The following TRAT1 variants were observed in gnomAD, a reference collection of about 807,000 sequenced individuals.
The protein encoded by TRAT1 is T-cell receptor-associated transmembrane adapter 1.
Under a neutral mutation model 20.0 loss-of-function variants are expected in TRAT1, and 20 were observed. That is an observed-to-expected ratio of 1.00 (90% confidence interval 0.70 to 1.45). The LOEUF is 1.45. Among genes scored for constraint, TRAT1 ranks in the 40% most tolerant of loss-of-function variants. The pLI, the probability that TRAT1 is intolerant of heterozygous loss-of-function variation, is 0.00. For missense variants in TRAT1, 237 were observed against 224.1 expected (o/e 1.06, Z -0.37); for synonymous variants, 77 against 74.2 (o/e 1.04, Z -0.20).
At chr3:108,836,409 T>C (rs1348994) in intron 2 of TRAT1, among the ~76,000 whole-genome samples, 114,834 of 152,100 alleles carry the variant, frequency 0.75, 44,867 homozygotes, top group Non-Finnish European at 0.86. Context: ...TTCAATGTTT[T>C]TGCTGATTTT....
intron 3 of TRAT1, 85 bp downstream of exon 3, chr3:108,839,052 G>C (rs1377562802): frequency 2.9e-6 from 3 of 1,043,496 alleles, no homozygotes; most frequent in Middle Eastern, 2.0e-4. Flanking sequence ...TTTGGCTCAT[G>C]GATATTGTAC....
chr3:108,849,184 G>A lies in TRAT1; in HGVS notation c.233G>A (p.Cys78Tyr), dbSNP rs1945973707. ...TCCCAAGAACCAATGGATGAAAATT[G>A]CTATGAACAAATGAAAGCCCGACCA... ...DMISEPMDEN[C>Y]YEQMKARPEK... is the part of the protein sequence containing the mutation. The change falls in exon 5 of 6, where the codon TGC (cysteine) becomes TAC (tyrosine). Residue 78 changes from cysteine (C) to tyrosine (Y), a missense_variant. Transcript: ENST00000295756. 6.2e-7 allele frequency: 1 copy of A among 1,613,856 alleles called. No individual in the cohort carries two copies. Among genetic ancestry groups the A allele is most frequent in the Non-Finnish European group, 8.5e-7 (1 of 1,179,916 alleles).
chr3:108,824,169 C>T (rs1945716628), intron 1 of TRAT1, among the ~76,000 whole-genome samples: 3 of 152,106 alleles, frequency 2.0e-5, no homozygotes, highest in Admixed American at 2.0e-4. Context: ...TGCGCCCAGC[C>T]CTGTTGTATA....
At chr3:108,825,327 A>C (rs1006754441) in intron 1 of TRAT1, among the ~76,000 whole-genome samples, 1 of 152,042 alleles carries the variant, frequency 6.6e-6, no homozygotes, top group Admixed American at 6.6e-5. Context: ...CATTTACATA[A>C]AATCTGTATT....
At chr3:108,840,178 G>A (rs1375642175) in intron 3 of TRAT1, among the ~76,000 whole-genome samples, 2 of 151,916 alleles carry the variant, frequency 1.3e-5, no homozygotes, top group African/African-American at 2.4e-5. Flanking sequence ...GGCATACCCC[G>A]TCACACACAA....
chr3:108,827,600 G>T (rs1945753673), intron 1 of TRAT1, among the ~76,000 whole-genome samples: 1 of 151,996 alleles, frequency 6.6e-6, no homozygotes, highest in African/African-American at 2.4e-5. Context: ...AAATCTTCCT[G>T]TTTAAAATTT....
chr3:108,838,980 T>C lies in TRAT1; in HGVS notation c.152+13T>C, dbSNP rs115041269. On this transcript the variant is annotated intron_variant, in intron 3 of 5. Transcript: ENST00000295756. ...GTGACCACACCAGGTATGTTGTGAT[T>C]CAGTCATGGATCATGATTCCCAACT... 3 of 1,589,186 alleles carry C rather than the reference T, an allele frequency of 1.9e-6. No homozygotes were observed. In the African/African-American group the frequency reaches 4.0e-5, roughly 21 times the overall value.
chr3:108,826,201 C>A (rs1390917469), intron 1 of TRAT1, among the ~76,000 whole-genome samples: 1 of 111,402 alleles, frequency 9.0e-6, no homozygotes, highest in East Asian at 3.4e-4. Flanking sequence ...ATATGAAATC[C>A]AGTTTTACAA....
chr3:108,838,301 G>A (rs1945856581), intron 2 of TRAT1, among the ~76,000 whole-genome samples: 1 of 150,784 alleles, frequency 6.6e-6, no homozygotes, highest in Admixed American at 6.6e-5. Flanking sequence ...TGTTACTCAT[G>A]CCAAGAAATG....
chr3:108,840,923 C>T (rs928616716), intron 3 of TRAT1, among the ~76,000 whole-genome samples: 2 of 152,256 alleles, frequency 1.3e-5, no homozygotes, highest in Non-Finnish European at 2.9e-5. Flanking sequence ...ACCTGCACTG[C>T]AGCTGAAGGA....
In TRAT1 at chr3:108,839,040, G is replaced by T. The variant is rs969393594; in HGVS notation, c.152+73G>T. The T allele has an allele frequency of 7.6e-5, 91 of 1,190,130 alleles. 1 individual carries two copies. The African/African-American group carries it at 1.2e-3, about 16-fold the overall frequency. The allele number at this position is 1,190,130 out of a possible 1,614,324, so 73.7% of individuals were successfully genotyped here. A position where few individuals can be genotyped will look rare whatever the true frequency, so the allele number is the denominator to read the frequency against. On this transcript the variant is annotated intron_variant, in intron 3 of 5. Coordinates refer to ENST00000295756, the MANE Select transcript of TRAT1 (RefSeq NM_016388.4). ...AAGTAACAATGCTATATTGTTTAAA[G>T]ATTTGGCTCATGGATATTGTACTTA...
At chr3:108,827,663 T>A (rs1474046503) in intron 1 of TRAT1, among the ~76,000 whole-genome samples, 1 of 152,116 alleles carries the variant, frequency 6.6e-6, no homozygotes, top group African/African-American at 2.4e-5. Flanking sequence ...TTACGGACCC[T>A]AAAAGCAGAG....
intron 2 of TRAT1, among the ~76,000 whole-genome samples, chr3:108,834,518 C>T (rs1945821940): frequency 1.3e-5 from 2 of 152,224 alleles, no homozygotes; most frequent in Non-Finnish European, 2.9e-5. Context: ...TCCTTCCAAT[C>T]TTCCTGAAGA....
chr3:108,824,029 G>A (rs960923958), intron 1 of TRAT1, among the ~76,000 whole-genome samples: 2 of 151,972 alleles, frequency 1.3e-5, no homozygotes, highest in Non-Finnish European at 2.9e-5. Flanking sequence ...GTGCCACCAC[G>A]CCTGGCTAAT....
chr3:108,852,502 C>T (rs527326362), intron 5 of TRAT1, among the ~76,000 whole-genome samples: 1 of 152,234 alleles, frequency 6.6e-6, no homozygotes, highest in Non-Finnish European at 1.5e-5. Context: ...AAAACAAGTG[C>T]CAACGGGGAG....
chr3:108,822,906 G>T lies in TRAT1; in HGVS notation c.-22G>T. 1 of 1,607,706 alleles carries T rather than the reference G, an allele frequency of 6.2e-7. No individual in the cohort carries two copies. The highest frequency in any genetic ancestry group is 8.5e-7 in the Non-Finnish European group (1 of 1,175,384). On this transcript the variant is annotated 5_prime_UTR_variant, in exon 1 of 6. Transcript: ENST00000295756. Reference sequence around the variant, plus strand: ...TATATTTGTCTTATGGCTAGATAAAGATTTCTCTGAAAAAAAGAAGCATGT... The same window carrying T: ...TATATTTGTCTTATGGCTAGATAAATATTTCTCTGAAAAAAAGAAGCATGT...
At chr3:108,842,465 C>T (rs923696129) in intron 3 of TRAT1, among the ~76,000 whole-genome samples, 8 of 152,118 alleles carry the variant, frequency 5.3e-5, no homozygotes, top group Non-Finnish European at 1.0e-4. Context: ...TTCCAACTGG[C>T]TATGCAGGTG....
intron 2 of TRAT1, among the ~76,000 whole-genome samples, chr3:108,834,036 T>A (rs1945818191): frequency 6.6e-6 from 1 of 152,156 alleles, no homozygotes; most frequent in Non-Finnish European, 1.5e-5. Context: ...GCTCCCACCA[T>A]CCCTATGCCC....
chr3:108,844,703 G>A (rs1253300275), intron 3 of TRAT1, among the ~76,000 whole-genome samples: 2 of 151,282 alleles, frequency 1.3e-5, no homozygotes, highest in Admixed American at 6.6e-5. Flanking sequence ...AATTAGCTGG[G>A]TGTGGTGGCG....
Sources: gnomAD v4.1 joint callset for allele counts (sites outside exome capture counted in the v4.1 genomes callset) on GRCh38, gnomAD v4.1.1 for gene constraint, MANE v1.5 for transcripts, NCBI Gene and HGNC (gene_info 2026-07-23, HGNC 2026-07-21) for gene names.